LIMK2: variants seen among roughly 807,000 people sequenced by gnomAD.
LIMK2 encodes the protein LIM domain kinase 2.
LIMK2 carries 35 observed loss-of-function variants against 75.7 expected under a neutral mutation model. The ratio of observed to expected loss-of-function variants is 0.46; its 90% CI spans 0.35 to 0.61. LIMK2 has a LOEUF of 0.61. Ranked by LOEUF, LIMK2 falls within the 20% of genes least tolerant of loss-of-function variation. The pLI, the probability that LIMK2 is intolerant of heterozygous loss-of-function variation, is 0.00. For synonymous variants in LIMK2, 301 were observed against 319.2 expected, an observed-to-expected ratio of 0.94 and a Z score of 0.61; for missense variants, 623 against 831.0, an observed-to-expected ratio of 0.75 and a Z score of 3.08.
At chr22:31,256,022 G>A (rs1222663347) in intron 2 of LIMK2, among the ~76,000 whole-genome samples, 1 of 59,770 alleles carries the variant, frequency 1.7e-5, no homozygotes. Context: ...TTTTTGAGAC[G>A]GAATCTTGCT....
In LIMK2 at chr22:31,278,309, G is replaced by A. The variant is rs1340847487; in HGVS notation, c.1785G>A (p.Ser595=). Residue 595 remains serine (S), a synonymous_variant, in exon 16 of 16, where the codon TCG becomes TCA. Transcript: ENST00000331728. ...RLEPESRPAF[S]KLEDSFEALS... ...CTTTTCCTTCTAGACCAGCATTCTC[G>A]AAATTGGAGGACTCCTTTGAGGCCC... 1.1e-5 allele frequency: 17 copies of A among 1,612,098 alleles called. No individual in the cohort carries two copies. Among genetic ancestry groups the A allele is most frequent in the East Asian group, 2.2e-5 (1 of 44,862 alleles).
At chr22:31,246,183 GCACA>G (rs57524309) in intron 2 of LIMK2, among the ~76,000 whole-genome samples, 2,199 of 135,008 alleles carry the variant, frequency 0.016, 35 homozygotes, top group African/African-American at 0.037. Flanking sequence ...ACGCACGCAC[GCACA>G]CACACACACA....
At chr22:31,267,160 T>A in intron 9 of LIMK2, 90 bp downstream of exon 9, 1 of 728,778 alleles carries the variant, frequency 1.4e-6, no homozygotes, top group Non-Finnish European at 2.3e-6. Context: ...AAATACAGTT[T>A]GGAATTACTG....
chr22:31,264,415 A>G (rs141104103), intron 7 of LIMK2, among the ~76,000 whole-genome samples: 16 of 152,340 alleles, frequency 1.1e-4, no homozygotes, highest in Non-Finnish European at 2.2e-4. Flanking sequence ...CCAGAGAGAA[A>G]GTTCGCAGGG....
intron 2 of LIMK2, 129 bp from the exon 3 acceptor site, chr22:31,258,162 C>T (rs1005168366): frequency 1.5e-5 from 14 of 947,412 alleles, no homozygotes; most frequent in Non-Finnish European, 2.2e-5. Flanking sequence ...AAGGCTGTAA[C>T]TTTGCCCCAT....
intron 1 of LIMK2, among the ~76,000 whole-genome samples, chr22:31,213,721 A>G (rs2048367210): frequency 6.6e-6 from 1 of 152,184 alleles, no homozygotes; most frequent in South Asian, 2.1e-4. Context: ...CTTGGGCAAT[A>G]TAGCGAGACT....
intron 1 of LIMK2, among the ~76,000 whole-genome samples, chr22:31,222,233 G>A (rs1434897487): frequency 1.3e-5 from 2 of 151,668 alleles, no homozygotes; most frequent in Non-Finnish European, 2.9e-5. Context: ...ACCATGCCTG[G>A]CTAATTTTGT....
intron 1 of LIMK2, among the ~76,000 whole-genome samples, chr22:31,224,681 A>G (rs934950033): frequency 1.3e-5 from 2 of 152,208 alleles, no homozygotes; most frequent in African/African-American, 2.4e-5. Context: ...TATACCCATT[A>G]CTTTTCTTTT....
intron 2 of LIMK2, among the ~76,000 whole-genome samples, chr22:31,238,132 A>AG (rs397751050): frequency 9.9e-5 from 15 of 150,918 alleles, no homozygotes; most frequent in African/African-American, 3.7e-4. Flanking sequence ...AAAAAAAAAA[A>AG]CCAAAACCAA....
intron 2 of LIMK2, chr22:31,248,336 G>C: frequency 8.1e-7 from 1 of 1,227,408 alleles, no homozygotes; most frequent in Non-Finnish European, 1.0e-6. Context: ...CTCATTCAGG[G>C]GTGGGACTGA....
intron 10 of LIMK2, 75 bp from the exon 11 acceptor site, chr22:31,268,069 A>G: frequency 6.5e-7 from 1 of 1,533,790 alleles, no homozygotes; most frequent in African/African-American, 1.4e-5. Flanking sequence ...CTGGGAGACC[A>G]CATTGACCCA....
intron 2 of LIMK2, among the ~76,000 whole-genome samples, chr22:31,255,978 C>CTTTTTTTTTTTTTTT (rs567250437): frequency 1.3e-4 from 4 of 29,682 alleles, no homozygotes; most frequent in Non-Finnish European, 2.0e-4. Context: ...TATATTGGGT[C>CTTTTTTTTTTTTTTT]TTTTTTTTTT....
chr22:31,272,434 T>TC (rs1385817815), intron 12 of LIMK2, 96 bp from the exon 13 acceptor site: 1 of 1,171,300 alleles, frequency 8.5e-7, no homozygotes, highest in African/African-American at 1.5e-5. Context: ...ACACCTTTTC[T>TC]CCCCTTCTCA....
At chr22:31,227,357 C>G (rs1330881535) in intron 2 of LIMK2, among the ~76,000 whole-genome samples, 1 of 152,212 alleles carries the variant, frequency 6.6e-6, no homozygotes, top group East Asian at 1.9e-4. Context: ...TGTGCTTATA[C>G]CAAGTAATTG....
intron 13 of LIMK2, 41 bp from the exon 14 acceptor site, chr22:31,273,411 G>T: frequency 6.4e-7 from 1 of 1,569,262 alleles, no homozygotes; most frequent in South Asian, 1.1e-5. Context: ...GAGCAGGTAA[G>T]GGATGTAAAC....
rs563573154 is a variant in LIMK2 at position 31,240,277 on chromosome 22, G to A, written c.116+14458G>A. Among the ~76,000 whole-genome samples, 6 of 152,194 alleles carry A rather than the reference G, an allele frequency of 3.9e-5. No homozygotes were observed. The South Asian group carries it at 1.0e-3, about 26-fold the overall frequency. On this transcript the variant is annotated intron_variant, in intron 2 of 15. Transcript: ENST00000331728. ...CCCTATAGAGATTTTGCTGAGATCA[G>A]AGGGTGCTCCACTGCCATCAGTAGC...
At chr22:31,229,363 G>A (rs2048506696) in intron 2 of LIMK2, among the ~76,000 whole-genome samples, 1 of 152,120 alleles carries the variant, frequency 6.6e-6, no homozygotes, top group Non-Finnish European at 1.5e-5. Context: ...TGCCCCAGTT[G>A]GAGGAAAATC....
At chr22:31,220,779 A>G (rs1568981428) in intron 1 of LIMK2, among the ~76,000 whole-genome samples, 1 of 152,196 alleles carries the variant, frequency 6.6e-6, no homozygotes, top group African/African-American at 2.4e-5. Context: ...CCTGACCAAC[A>G]TGGAGAAACT....
chr22:31,267,998 G>T (rs922795334), intron 10 of LIMK2, 91 bp downstream of exon 10: 4 of 1,551,906 alleles, frequency 2.6e-6, no homozygotes, highest in Non-Finnish European at 3.5e-6. Context: ...GGGCAGAGGG[G>T]CCCTGCTTTG....
Sources: allele counts gnomAD v4.1 joint callset (sites outside exome capture counted in the v4.1 genomes callset), GRCh38; gene constraint gnomAD v4.1.1; transcripts MANE v1.5; gene names NCBI Gene and HGNC (gene_info 2026-07-23, HGNC 2026-07-21).